Variants in RNF144B observed in about 807,000 individuals in gnomAD.
RNF144B encodes the protein E3 ubiquitin-protein ligase RNF144B.
A neutral mutation model predicts 40.2 loss-of-function variants in RNF144B; 25 were observed. The observed-to-expected ratio is 0.62, with a 90% CI of 0.45 to 0.87. The LOEUF (loss-of-function observed/expected upper bound fraction) is 0.87. Among genes scored for constraint, RNF144B ranks in the 40% least tolerant of loss-of-function variants. The probability of loss-of-function intolerance (pLI) is 0.00; values close to 1 mark genes in which losing one functional copy is unlikely to be tolerated. For synonymous variants in RNF144B, 145 were observed against 136.3 expected (o/e 1.06, Z -0.44); for missense variants, 365 against 373.7 (o/e 0.98, Z 0.19).
rs1216796479 is a variant in RNF144B, at chr6:18,446,130, G to GC, written c.331+6388dup. ...TGGGTTCTGTGTAGTCCTGTTAGAT[G>GC]CCAGGGCTGCTGATGTCTGATGACT... is the stretch of plus-strand genomic sequence containing the variant. On this transcript the variant is annotated intron_variant, in intron 4 of 7. Coordinates refer to ENST00000259939, the MANE Select transcript of RNF144B (RefSeq NM_182757.4). The surrounding 1 kb of genome is among the most constrained non-coding windows in gnomAD (Gnocchi z 4.7). Among the ~76,000 whole-genome samples, 1 of 152,168 alleles carries GC rather than the reference G, an allele frequency of 6.6e-6. No homozygotes were observed. The highest frequency in any genetic ancestry group is 2.4e-5 in the African/African-American group (1 of 41,420).
Position 18,457,243 on chromosome 6 carries a change from T to C in RNF144B, c.420T>C (p.Pro140=). Residue 140 remains proline, a synonymous_variant, in exon 5 of 8, where the codon CCT becomes CCC. Transcript: ENST00000259939. The surrounding 1 kb of genome is among the most constrained non-coding windows in gnomAD (Gnocchi z 5.1). ...TTGCCTCGAGTGACCCAGGACAGCCTGTGCTGGTGGAATGCCCTTCTTGCC... is the reference window on the plus strand; with the variant it reads ...TTGCCTCGAGTGACCCAGGACAGCCCGTGCTGGTGGAATGCCCTTCTTGCC... The part of the protein sequence containing the change: ...CPVASSDPGQ[P]VLVECPSCHL... 1 of 1,614,180 alleles carries C rather than the reference T, an allele frequency of 6.2e-7. No individual in the cohort carries two copies. Among genetic ancestry groups the C allele is most frequent in the Non-Finnish European group, 8.5e-7 (1 of 1,179,994 alleles).
In RNF144B at chr6:18,458,144, G is replaced by A. The variant is rs886984926; in HGVS notation, c.536+785G>A. Reference sequence around the variant, plus strand: ...GTAGAGATGGGGTTTCACCATATTGGCCAGGCTGGTCTTGAAATCCTGACC... The same window carrying A: ...GTAGAGATGGGGTTTCACCATATTGACCAGGCTGGTCTTGAAATCCTGACC... On this transcript the variant is annotated intron_variant, in intron 5 of 7. Transcript: ENST00000259939. The surrounding 1 kb of genome is among the most constrained non-coding windows in gnomAD (Gnocchi z 4.8). Among the ~76,000 whole-genome samples, 4 of 152,086 alleles carry A rather than the reference G, an allele frequency of 2.6e-5. No homozygotes were observed. The highest frequency in any genetic ancestry group is 5.9e-5 in the Non-Finnish European group (4 of 68,018).
chr6:18,411,480 TATA>T (rs1795036233), intron 2 of RNF144B, among the ~76,000 whole-genome samples: 6 of 36,132 alleles, frequency 1.7e-4, no homozygotes, highest in Non-Finnish European at 2.4e-4. Context: ...TATATATATA[TATA>T]TATATATATA....
chr6:18,455,674 T>C (rs1043653164), intron 4 of RNF144B, among the ~76,000 whole-genome samples: 2 of 152,258 alleles, frequency 1.3e-5, no homozygotes, highest in South Asian at 2.1e-4. Context: ...CATGGTATGT[T>C]CCCTTAAAGG....
Position 18,406,832 on chromosome 6 carries a change from A to C in RNF144B, c.165+7133A>C, listed in dbSNP as rs894941076. 6.6e-6 allele frequency among the ~76,000 whole-genome samples: 1 copy of C among 152,096 alleles called. No individual in the cohort carries two copies. Among genetic ancestry groups the C allele is most frequent in the Admixed American group, 6.5e-5 (1 of 15,268 alleles). ...AGTCTGTTTTCACACTGCTATAAAGAATACCTGAGATCTATAAAGGAAGGA... is the reference window on the plus strand; with the variant it reads ...AGTCTGTTTTCACACTGCTATAAAGCATACCTGAGATCTATAAAGGAAGGA... On this transcript the variant is annotated intron_variant, in intron 2 of 7. Transcript: ENST00000259939. The surrounding 1 kb of genome is among the most constrained non-coding windows in gnomAD (Gnocchi z 4.2).
chr6:18,411,497 ATTTT>A (rs1197413176), intron 2 of RNF144B, among the ~76,000 whole-genome samples: 6 of 29,778 alleles, frequency 2.0e-4, no homozygotes, highest in Non-Finnish European at 3.3e-4. Flanking sequence ...ATATATATAT[ATTTT>A]TTTTTTTTTT....
In RNF144B at chr6:18,422,743, T is replaced by C. The variant is rs1758459628; in HGVS notation, c.166-4838T>C. Among the ~76,000 whole-genome samples the C allele has an allele frequency of 1.3e-5, 2 of 152,110 alleles. No individual in the cohort carries two copies. The highest frequency in any genetic ancestry group is 1.3e-4 in the Admixed American group (2 of 15,262). On this transcript the variant is annotated intron_variant, in intron 2 of 7. Coordinates refer to ENST00000259939, the MANE Select transcript of RNF144B (RefSeq NM_182757.4). This position sits in a 1 kb window ranked among gnomAD's most constrained non-coding sequence, Gnocchi z 4.7. Reference sequence around the variant, plus strand: ...TTGGGAAGCTGAGGCGACAGGATTCTTTGAGCCCAGGAGTTTGAGACCAGC... The same window carrying C: ...TTGGGAAGCTGAGGCGACAGGATTCCTTGAGCCCAGGAGTTTGAGACCAGC...
In RNF144B at chr6:18,406,617, G is replaced by A. The variant is rs1379476610; in HGVS notation, c.165+6918G>A. On this transcript the variant is annotated intron_variant, in intron 2 of 7. Coordinates refer to ENST00000259939, the MANE Select transcript of RNF144B (RefSeq NM_182757.4). This position sits in a 1 kb window ranked among gnomAD's most constrained non-coding sequence, Gnocchi z 4.2. Reference sequence around the variant, plus strand: ...AAGTCTGAAGGCTTGAGAACTAAGAGAGCCAGTGGTATAAGTCCCAGTCCG... The same window carrying A: ...AAGTCTGAAGGCTTGAGAACTAAGAAAGCCAGTGGTATAAGTCCCAGTCCG... 6.6e-6 allele frequency among the ~76,000 whole-genome samples: 1 copy of A among 151,944 alleles called. No individual in the cohort carries two copies. The highest frequency in any genetic ancestry group is 1.5e-5 in the Non-Finnish European group (1 of 68,004).
At chr6:18,387,697 G>A in intron 1 of RNF144B, 67 bp downstream of exon 1, 1 of 1,232,686 alleles carries the variant, frequency 8.1e-7, no homozygotes. Flanking sequence ...CTGGACTAAG[G>A]AAAAAGGACA....
chr6:18,429,597 AC>A (rs11356254), intron 3 of RNF144B, among the ~76,000 whole-genome samples: 47,086 of 152,032 alleles, frequency 0.31, 8,477 homozygotes, highest in East Asian at 0.51. Flanking sequence ...GAGTATGTAA[AC>A]CCTGTGGAGA....
At position 18,434,625 on chromosome 6, in the gene RNF144B, G is replaced by T. The variant is rs1214786595; in HGVS notation, c.271-5059G>T. ...AGTAGGAACTGAGTGTTTTTGTTTT[G>T]TTTGTTTGTTTTTTTAGACAGAGTC... On this transcript the variant is annotated intron_variant, in intron 3 of 7. Coordinates refer to ENST00000259939, the MANE Select transcript of RNF144B (RefSeq NM_182757.4). This position sits in a 1 kb window ranked among gnomAD's most constrained non-coding sequence, Gnocchi z 4.1. 6.7e-6 allele frequency among the ~76,000 whole-genome samples: 1 copy of T among 149,596 alleles called. No homozygotes were observed. The highest frequency in any genetic ancestry group is 1.5e-5 in the Non-Finnish European group (1 of 66,746).
At chr6:18,401,556 C>T (rs1320916849) in intron 2 of RNF144B, among the ~76,000 whole-genome samples, 1 of 152,148 alleles carries the variant, frequency 6.6e-6, no homozygotes, top group East Asian at 1.9e-4. Flanking sequence ...ACATTAGTGT[C>T]TGTAAAATTG....
intron 3 of RNF144B, among the ~76,000 whole-genome samples, chr6:18,437,137 A>C (rs1324191744): frequency 6.6e-6 from 1 of 152,126 alleles, no homozygotes; most frequent in Non-Finnish European, 1.5e-5. Context: ...AGCTGTCAAC[A>C]AATATTTAGA....
chr6:18,462,245 C>T (rs1759471265), intron 6 of RNF144B, among the ~76,000 whole-genome samples: 1 of 152,122 alleles, frequency 6.6e-6, no homozygotes, highest in South Asian at 2.1e-4. Flanking sequence ...TTCGGATTGC[C>T]ACGTAGTCAC....
At chr6:18,391,002 C>A (rs1455337231) in intron 1 of RNF144B, among the ~76,000 whole-genome samples, 2 of 152,078 alleles carry the variant, frequency 1.3e-5, no homozygotes, top group African/African-American at 4.8e-5. Flanking sequence ...AACTGGTTTC[C>A]AATTTGTTTC....
chr6:18,415,341 T>C (rs10949504), intron 2 of RNF144B, among the ~76,000 whole-genome samples: 6,780 of 152,252 alleles, frequency 0.045, 227 homozygotes, highest in Non-Finnish European at 0.068. Flanking sequence ...GAAAGTCCAA[T>C]ATCAACGTGC....
At chr6:18,432,509 A>G (rs1562051249) in intron 3 of RNF144B, among the ~76,000 whole-genome samples, 1 of 152,250 alleles carries the variant, frequency 6.6e-6, no homozygotes, top group Non-Finnish European at 1.5e-5. Flanking sequence ...ACATGAAATT[A>G]TGAGAGGCAG....
chr6:18,423,368 A>T (rs1162929367), intron 2 of RNF144B, among the ~76,000 whole-genome samples: 1 of 152,188 alleles, frequency 6.6e-6, no homozygotes, highest in Non-Finnish European at 1.5e-5. Context: ...TAGAAAAAAA[A>T]ACTTTAGGTA....
At chr6:18,439,075 C>G (rs981730538) in intron 3 of RNF144B, among the ~76,000 whole-genome samples, 1 of 152,124 alleles carries the variant, frequency 6.6e-6, no homozygotes, top group Non-Finnish European at 1.5e-5. Context: ...ATGTTGCCAT[C>G]TGAAATGGAA....
Sources: gnomAD v4.1 joint callset for allele counts (sites outside exome capture counted in the v4.1 genomes callset) on GRCh38, gnomAD v4.1.1 for gene constraint, Gnocchi (gnomAD v3.1) non-coding constraint, MANE v1.5 for transcripts, NCBI Gene and HGNC (gene_info 2026-07-23, HGNC 2026-07-21) for gene names.